Variants in FAM120C observed in about 807,000 individuals in gnomAD.
FAM120C encodes the protein constitutive coactivator of PPAR-gamma-like protein 2.
Under a neutral mutation model 71.2 loss-of-function variants are expected in FAM120C, and 14 were observed. The ratio of observed to expected loss-of-function variants is 0.20; its 90% CI spans 0.13 to 0.31. FAM120C has a LOEUF of 0.31. Among genes scored for constraint, FAM120C ranks in the 10% least tolerant of loss-of-function variants. FAM120C has a pLI of 1.00. For synonymous variants in FAM120C, 354 were observed against 353.2 expected, an observed-to-expected ratio of 1.00 and a Z score of -0.03; for missense variants, 500 against 879.0, an observed-to-expected ratio of 0.57 and a Z score of 5.45.
chrX:54,137,858 T>C (rs2067102324), intron 4 of FAM120C, among the ~76,000 whole-genome samples: 1 of 111,694 alleles, frequency 9.0e-6, no homozygotes, highest in Non-Finnish European at 1.9e-5. Context: ...GGAGTGTACA[T>C]TGGTACAGTT....
intron 10 of FAM120C, among the ~76,000 whole-genome samples, chrX:54,092,566 G>A (rs1185672431): frequency 1.8e-5 from 2 of 109,095 alleles, no homozygotes; most frequent in African/African-American, 6.7e-5. Flanking sequence ...AGGAGGAGGA[G>A]GAGACGACGA....
chrX:54,131,007 A>C (rs2067063487), intron 9 of FAM120C, among the ~76,000 whole-genome samples: 1 of 111,520 alleles, frequency 9.0e-6, no homozygotes. Context: ...TCTACTTTCT[A>C]GAGTGTCTTG....
At chrX:54,140,675 C>G (rs2067121257) in intron 4 of FAM120C, among the ~76,000 whole-genome samples, 1 of 107,451 alleles carries the variant, frequency 9.3e-6, no homozygotes, top group Non-Finnish European at 1.9e-5. Context: ...AATAGCTGGC[C>G]AGGCACAGTG....
At chrX:54,097,203 T>C (rs2066856421) in intron 10 of FAM120C, among the ~76,000 whole-genome samples, 2 of 112,124 alleles carry the variant, frequency 1.8e-5, no homozygotes, top group Non-Finnish European at 3.8e-5. Context: ...ATACAACACA[T>C]GCAGAAAGAA....
chrX:54,167,006 T>C (rs1018032440), intron 1 of FAM120C, among the ~76,000 whole-genome samples: 1 of 110,822 alleles, frequency 9.0e-6, no homozygotes, highest in Non-Finnish European at 1.9e-5. Flanking sequence ...ATGAAAACAG[T>C]CCTTTTACTC....
intron 10 of FAM120C, among the ~76,000 whole-genome samples, chrX:54,115,705 T>C (rs971067737): frequency 2.7e-5 from 3 of 111,920 alleles, no homozygotes; most frequent in Non-Finnish European, 5.6e-5. Flanking sequence ...TCAATCAGTA[T>C]TAGTATTTGA....
intron 15 of FAM120C, among the ~76,000 whole-genome samples, chrX:54,079,313 A>T (rs2066752947): frequency 9.2e-6 from 1 of 108,596 alleles, no homozygotes; most frequent in Non-Finnish European, 1.9e-5. Flanking sequence ...GGTGGCACAC[A>T]CCTGTAGTCC....
intron 1 of FAM120C, chrX:54,173,927 A>G: frequency 2.5e-6 from 1 of 396,194 alleles, no homozygotes; most frequent in South Asian, 4.8e-5. Context: ...ACAGGCTTCA[A>G]TCAAGGTGCC....
At chrX:54,117,388 A>ATAAAATAAAATAAAAT (rs2066975849) in intron 9 of FAM120C, among the ~76,000 whole-genome samples, 1 of 102,807 alleles carries the variant, frequency 9.7e-6, no homozygotes, top group Non-Finnish European at 2.0e-5. Flanking sequence ...ATAAAATAAA[A>ATAAAATAAAATAAAAT]TAAAATAAAA....
chrX:54,097,927 C>T (rs1250885487), intron 10 of FAM120C, among the ~76,000 whole-genome samples: 2 of 110,857 alleles, frequency 1.8e-5, no homozygotes, highest in South Asian at 3.8e-4. Flanking sequence ...GGGGTTTGAC[C>T]GTGTTAGCCA....
intron 1 of FAM120C, among the ~76,000 whole-genome samples, chrX:54,161,017 G>C (rs2067233650): frequency 8.9e-6 from 1 of 112,042 alleles, no homozygotes; most frequent in Non-Finnish European, 1.9e-5. Flanking sequence ...CACAAGGGGA[G>C]AGACACCAGT....
intron 10 of FAM120C, among the ~76,000 whole-genome samples, chrX:54,096,563 G>A (rs1297069979): frequency 9.0e-6 from 1 of 110,953 alleles, no homozygotes; most frequent in Non-Finnish European, 1.9e-5. Flanking sequence ...ATCATATCTT[G>A]CTTTTTTCAC....
chrX:54,116,688 G>T lies in FAM120C; in HGVS notation c.2169C>A (p.Leu723=), dbSNP rs782633223. The change falls in exon 10 of 16, where the codon CTC becomes CTA. Residue 723 remains leucine, a synonymous_variant. Coordinates refer to ENST00000375180, the MANE Select transcript of FAM120C (RefSeq NM_017848.6). ...LTFREWTCPN[L]KKLWLGKAVE... is the part of the protein sequence containing the mutation. Reference sequence around the variant, plus strand: ...CTGCTTTGCCTAGCCAGAGCTTCTTGAGGTTTGGGCAAGTCCATTCCCGAA... The same window carrying T: ...CTGCTTTGCCTAGCCAGAGCTTCTTTAGGTTTGGGCAAGTCCATTCCCGAA... The T allele has an allele frequency of 8.3e-7, 1 of 1,211,757 alleles. No homozygotes were observed. Among genetic ancestry groups the T allele is most frequent in the Non-Finnish European group, 1.1e-6 (1 of 895,551 alleles).
At chrX:54,080,676 A>G (rs1315469151) in intron 14 of FAM120C, among the ~76,000 whole-genome samples, 1 of 110,238 alleles carries the variant, frequency 9.1e-6, no homozygotes, top group Admixed American at 9.8e-5. Flanking sequence ...CCTGGCCAAC[A>G]TGGTGAAACC....
At chrX:54,139,656 A>T (rs1289455966) in intron 4 of FAM120C, among the ~76,000 whole-genome samples, 1 of 109,313 alleles carries the variant, frequency 9.1e-6, no homozygotes, top group East Asian at 2.9e-4. Context: ...TTTTATTTTT[A>T]AATTTTTTTA....
Position 54,126,551 on chromosome X carries a change from G to A in FAM120C, c.2062+6141C>T, listed in dbSNP as rs782023899. On this transcript the variant is annotated intron_variant, in intron 9 of 15. Transcript: ENST00000375180. ...GAACCAATCCCCCACATATGGCAAG[G>A]AATGACTGTATGTTAGCTGTAGGTT... Among the ~76,000 whole-genome samples, 100 of 112,261 alleles carry A rather than the reference G, an allele frequency of 8.9e-4. No individual in the cohort carries two copies. In the Middle Eastern group the frequency reaches 0.023, roughly 26 times the overall value.
intron 4 of FAM120C, among the ~76,000 whole-genome samples, chrX:54,142,186 AT>A (rs1280586798): frequency 8.9e-6 from 1 of 111,832 alleles, no homozygotes; most frequent in Non-Finnish European, 1.9e-5. Context: ...AAGACGGGTG[AT>A]TTTTGCATTT....
rs1183669632 is a variant in FAM120C, at chrX:54,182,752, G to A, written c.447C>T (p.Tyr149=). The change falls in exon 1 of 16, where the codon TAC becomes TAT. Residue 149 remains tyrosine, a synonymous_variant. Transcript: ENST00000375180. ...CGGQWNAMLG[Y]LSALCQACAY... ...CACAAGCCTGGCACAGCGCTGACAA[G>A]TAGCCCAGCATGGCGTTCCATTGGC... The A allele has an allele frequency of 8.3e-7, 1 of 1,208,965 alleles. No individual in the cohort carries two copies. The highest frequency in any genetic ancestry group is 1.1e-6 in the Non-Finnish European group (1 of 894,738).
intron 4 of FAM120C, 112 bp from the exon 5 acceptor site, chrX:54,136,702 C>T (rs1226244583): frequency 5.5e-6 from 3 of 542,245 alleles, no homozygotes; most frequent in Non-Finnish European, 8.8e-6. Flanking sequence ...TTTAAAGAAA[C>T]CTAAGAAAGC....
Sources: gnomAD v4.1 joint callset for allele counts (sites outside exome capture counted in the v4.1 genomes callset) on GRCh38, gnomAD v4.1.1 for gene constraint, MANE v1.5 for transcripts, NCBI Gene and HGNC (gene_info 2026-07-23, HGNC 2026-07-21) for gene names.